The following SCHIP1 variants were observed in gnomAD, a reference collection of about 807,000 sequenced individuals.
The protein encoded by SCHIP1 is schwannomin interacting protein 1.
Under a neutral mutation model 29.7 loss-of-function variants are expected in SCHIP1, and 8 were observed. That is an observed-to-expected ratio of 0.27 (90% CI 0.16 to 0.49). SCHIP1 has a LOEUF of 0.49. SCHIP1 is among the 20% of genes least tolerant of loss of function. The pLI, the probability that SCHIP1 is intolerant of heterozygous loss-of-function variation, is 0.99. For missense variants in SCHIP1, 193 were observed against 294.6 expected, an observed-to-expected ratio of 0.66 and a Z score of 2.52; for synonymous variants, 76 against 94.9, an observed-to-expected ratio of 0.80 and a Z score of 1.16.
At chr3:159,817,608 AATTAG>A in the SCHIP1 span, among the ~76,000 whole-genome samples, 3 of 152,130 alleles carry the variant, frequency 2.0e-5, no homozygotes, top group Admixed American at 6.5e-5. Context: ...TTCTTCTACT[AATTAG>A]ATTAGATTAA....
intron 6 of SCHIP1, among the ~76,000 whole-genome samples, chr3:159,895,586 C>T (rs961850074): frequency 2.6e-5 from 4 of 152,184 alleles, no homozygotes; most frequent in African/African-American, 9.7e-5. Flanking sequence ...GGCCACACTC[C>T]TCCCCCTCTG....
chr3:159,716,831 G>A, the SCHIP1 span, among the ~76,000 whole-genome samples: 36 of 152,188 alleles, frequency 2.4e-4, no homozygotes, highest in South Asian at 1.0e-3. Context: ...ACAGATCAAC[G>A]AGACAGAAAG....
the SCHIP1 span, among the ~76,000 whole-genome samples, chr3:159,303,498 TAGAG>T: frequency 4.6e-5 from 6 of 131,864 alleles, no homozygotes; most frequent in Admixed American, 2.4e-4. Context: ...AAGAAAAGAA[TAGAG>T]AGGGAGAGGG....
At chr3:159,623,366 T>TAATA in the SCHIP1 span, among the ~76,000 whole-genome samples, 1 of 152,076 alleles carries the variant, frequency 6.6e-6, no homozygotes, top group Non-Finnish European at 1.5e-5. Context: ...ACAAGAAAAG[T>TAATA]AATAAACAGT....
the SCHIP1 span, among the ~76,000 whole-genome samples, chr3:159,606,005 A>G: frequency 8.6e-4 from 131 of 152,314 alleles, no homozygotes; most frequent in African/African-American, 3.0e-3. Context: ...CAGCTGCCTC[A>G]CATAGCAGAA....
At chr3:159,659,738 C>A in the SCHIP1 span, among the ~76,000 whole-genome samples, 2 of 151,890 alleles carry the variant, frequency 1.3e-5, no homozygotes, top group East Asian at 1.9e-4. Flanking sequence ...TTAAAAAAAA[C>A]CTGAGAAAGC....
At chr3:159,513,583 G>A in the SCHIP1 span, among the ~76,000 whole-genome samples, 7 of 152,160 alleles carry the variant, frequency 4.6e-5, no homozygotes, top group African/African-American at 1.7e-4. Flanking sequence ...CAGCTGGTTG[G>A]CCCTCACATG....
the SCHIP1 span, among the ~76,000 whole-genome samples, chr3:159,292,293 G>A: frequency 6.6e-6 from 1 of 152,046 alleles, no homozygotes; most frequent in African/African-American, 2.4e-5. Flanking sequence ...TAAAATCTGG[G>A]TAATGGATAC....
At chr3:159,405,989 G>A in the SCHIP1 span, among the ~76,000 whole-genome samples, 1 of 151,814 alleles carries the variant, frequency 6.6e-6, no homozygotes, top group Non-Finnish European at 1.5e-5. Context: ...AAGAGGGCAA[G>A]TCTAACAGTT....
the SCHIP1 span, among the ~76,000 whole-genome samples, chr3:159,498,334 A>G: frequency 6.6e-6 from 1 of 152,246 alleles, no homozygotes; most frequent in Non-Finnish European, 1.5e-5. Flanking sequence ...ATGAATATGA[A>G]AAAGATGCAA....
At chr3:159,283,873 A>G in the SCHIP1 span, among the ~76,000 whole-genome samples, 40 of 152,146 alleles carry the variant, frequency 2.6e-4, no homozygotes, top group African/African-American at 9.7e-4. Context: ...TCCATAGTTG[A>G]TGCGATGAGT....
At chr3:159,726,503 AT>A in the SCHIP1 span, among the ~76,000 whole-genome samples, 1 of 152,200 alleles carries the variant, frequency 6.6e-6, no homozygotes, top group African/African-American at 2.4e-5. Context: ...TGCCTTGCTC[AT>A]CAGCTGATCA....
intron 1 of SCHIP1, chr3:159,840,244 G>A: frequency 6.6e-7 from 1 of 1,519,526 alleles, no homozygotes; most frequent in Non-Finnish European, 8.8e-7. Flanking sequence ...TCTGAGGCCG[G>A]CATCCTTTGG....
chr3:159,748,635 GA>G, the SCHIP1 span, among the ~76,000 whole-genome samples: 32 of 152,328 alleles, frequency 2.1e-4, no homozygotes, highest in African/African-American at 7.2e-4. Flanking sequence ...TAATGCTCAG[GA>G]TGAAGAATGT....
the SCHIP1 span, among the ~76,000 whole-genome samples, chr3:159,431,189 G>T: frequency 1.3e-5 from 2 of 152,154 alleles, no homozygotes; most frequent in South Asian, 4.1e-4. Context: ...AGCTAGGAGA[G>T]GACCAGAAGT....
At chr3:159,498,649 GA>G in the SCHIP1 span, among the ~76,000 whole-genome samples, 3 of 150,974 alleles carry the variant, frequency 2.0e-5, no homozygotes, top group Admixed American at 2.0e-4. Flanking sequence ...TTTTCCTCAA[GA>G]CTAAGTCACA....
chr3:159,345,390 G>T, the SCHIP1 span, among the ~76,000 whole-genome samples: 2 of 152,228 alleles, frequency 1.3e-5, no homozygotes, highest in Admixed American at 6.5e-5. Flanking sequence ...TATGACTATT[G>T]TTATCTTAGT....
the SCHIP1 span, among the ~76,000 whole-genome samples, chr3:159,644,360 A>G: frequency 2.0e-5 from 3 of 152,116 alleles, no homozygotes; most frequent in Non-Finnish European, 4.4e-5. Flanking sequence ...AAATTGGTTT[A>G]TCACTGATCA....
the SCHIP1 span, among the ~76,000 whole-genome samples, chr3:159,473,847 A>G: frequency 6.6e-6 from 1 of 152,062 alleles, no homozygotes; most frequent in Admixed American, 6.6e-5. Context: ...TCAAGAGGAA[A>G]CAGGTATGCC....
Sources: gnomAD v4.1 joint callset for allele counts (sites outside exome capture counted in the v4.1 genomes callset) on GRCh38, gnomAD v4.1.1 for gene constraint, MANE v1.5 for transcripts, NCBI Gene and HGNC (gene_info 2026-07-23, HGNC 2026-07-21) for gene names.